Variants in UNC79 observed in about 807,000 individuals in gnomAD.
The protein encoded by UNC79 is unc-79 subunit of NALCN channel complex, also known as protein unc-79 homolog.
UNC79 carries 37 observed loss-of-function variants against 283.1 expected under a neutral mutation model. The ratio of observed to expected loss-of-function variants is 0.13; its 90% CI spans 0.10 to 0.17. The LOEUF is 0.17. Ranked by LOEUF, UNC79 falls within the 10% of genes least tolerant of loss-of-function variation. The pLI is 1.00. For synonymous variants in UNC79, 1,107 were observed against 1,200.2 expected, an observed-to-expected ratio of 0.92 and a Z score of 1.61; for missense variants, 2,272 against 3,211.1, an observed-to-expected ratio of 0.71 and a Z score of 7.07.
In UNC79 at chr14:93,404,513, T is replaced by TATATATATATATATATATATATATAA. The variant is rs1229909876; in HGVS notation, c.-350-63157_-350-63156insTATATATATATATATATATATATAAA. Among the ~76,000 whole-genome samples the TATATATATATATATATATATATATAA allele has an allele frequency of 2.5e-3, 279 of 113,034 alleles. 3 individuals carry two copies. Among genetic ancestry groups the TATATATATATATATATATATATATAA allele is most frequent in the African/African-American group, 3.0e-3 (89 of 29,674 alleles). The allele number at this position is 113,034 out of a possible 152,430, so 74.2% of individuals were successfully genotyped here. ...AAAAAAATATATATATATATATATA[T>TATATATATATATATATATATATATAA]AAATATATACATATTATATATTATT... On this transcript the variant is annotated intron_variant, in intron 1 of 49. Transcript: ENST00000256339.
chr14:93,702,495 C>G (rs1271417721), intron 47 of UNC79, among the ~76,000 whole-genome samples: 1 of 152,156 alleles, frequency 6.6e-6, no homozygotes, highest in Non-Finnish European at 1.5e-5. Context: ...TGTTAAAAGT[C>G]AAACAACAGC....
At chr14:93,589,392 G>A (rs981102127) in intron 22 of UNC79, among the ~76,000 whole-genome samples, 1 of 152,032 alleles carries the variant, frequency 6.6e-6, no homozygotes, top group African/African-American at 2.4e-5. Flanking sequence ...TGGGAGAAGA[G>A]TATGGAAAAG....
At chr14:93,426,892 T>A (rs1267303092), upstream of UNC79, among the ~76,000 whole-genome samples, 2 of 152,162 alleles carry the variant, frequency 1.3e-5, no homozygotes, top group Non-Finnish European at 2.9e-5. Context: ...GTGGGTCACA[T>A]TTCCTTGTTT....
intron 1 of UNC79, among the ~76,000 whole-genome samples, chr14:93,401,468 G>A (rs754713015): frequency 8.5e-5 from 13 of 152,184 alleles, no homozygotes; most frequent in Non-Finnish European, 1.3e-4. Context: ...GCAAATTTAT[G>A]AGTAGGGTTG....
chr14:93,357,756 G>GATGT (rs2054125508), intron 1 of UNC79, among the ~76,000 whole-genome samples: 4 of 83,288 alleles, frequency 4.8e-5, no homozygotes, highest in Non-Finnish European at 1.0e-4. Flanking sequence ...TGGATATATG[G>GATGT]ATATATATAT....
At chr14:93,673,041 T>C (rs1217741299) in intron 40 of UNC79, among the ~76,000 whole-genome samples, 1 of 152,220 alleles carries the variant, frequency 6.6e-6, no homozygotes, top group Non-Finnish European at 1.5e-5. Flanking sequence ...TCGACTGATT[T>C]AATTGCTGCA....
intron 38 of UNC79, among the ~76,000 whole-genome samples, chr14:93,657,941 CT>C (rs1456179733): frequency 1.3e-5 from 2 of 152,108 alleles, no homozygotes; most frequent in South Asian, 2.1e-4. Context: ...GTCTGTCTTC[CT>C]TTTTTTTCCC....
chr14:93,523,630 A>G (rs1474911903), intron 7 of UNC79, among the ~76,000 whole-genome samples: 4 of 152,282 alleles, frequency 2.6e-5, no homozygotes, highest in African/African-American at 9.6e-5. Flanking sequence ...ACTTTAATTT[A>G]TTCTTATATG....
chr14:93,381,315 C>T (rs1456926151), intron 1 of UNC79, among the ~76,000 whole-genome samples: 1 of 152,096 alleles, frequency 6.6e-6, no homozygotes, highest in Non-Finnish European at 1.5e-5. Context: ...GGTTGTGACT[C>T]CCCCCAGAAG....
chr14:93,629,234 C>G (rs2067828107), intron 30 of UNC79, among the ~76,000 whole-genome samples: 2 of 152,102 alleles, frequency 1.3e-5, no homozygotes, highest in Non-Finnish European at 2.9e-5. Context: ...AATAGGCATA[C>G]CCAAACTCTA....
chr14:93,676,481 G>C (rs2073352758), intron 41 of UNC79, among the ~76,000 whole-genome samples: 1 of 152,204 alleles, frequency 6.6e-6, no homozygotes, highest in Non-Finnish European at 1.5e-5. Context: ...GTGTCTGGAG[G>C]TCACTTGCTT....
intron 40 of UNC79, among the ~76,000 whole-genome samples, chr14:93,665,754 T>A (rs558843184): frequency 6.6e-6 from 1 of 152,018 alleles, no homozygotes; most frequent in African/African-American, 2.4e-5. Context: ...AAAAGAACTA[T>A]CTACTTGGAA....
At chr14:93,464,682 A>C (rs1204035107) in intron 1 of UNC79, 1 of 441,384 alleles carries the variant, frequency 2.3e-6, no homozygotes, top group African/African-American at 2.0e-5. Context: ...GAAGGAGCTT[A>C]CTAGAGAAAT....
intron 5 of UNC79, among the ~76,000 whole-genome samples, chr14:93,493,766 C>T (rs1189933902): frequency 2.7e-5 from 4 of 150,908 alleles, no homozygotes; most frequent in African/African-American, 9.8e-5. Context: ...CATAGTGGCT[C>T]CTGTCTCTAA....
intron 1 of UNC79, among the ~76,000 whole-genome samples, chr14:93,463,362 G>A (rs1024687841): frequency 2.6e-5 from 4 of 152,164 alleles, no homozygotes; most frequent in Admixed American, 1.3e-4. Context: ...GGAATAGAAA[G>A]TGACAGAGAG....
intron 1 of UNC79, among the ~76,000 whole-genome samples, chr14:93,364,622 A>T (rs2054292179): frequency 6.7e-6 from 1 of 150,336 alleles, no homozygotes; most frequent in South Asian, 2.1e-4. Flanking sequence ...TTGTTAAGGG[A>T]ACTATACTTA....
At chr14:93,683,845 CAA>C (rs559221988) in intron 42 of UNC79, among the ~76,000 whole-genome samples, 3 of 133,332 alleles carry the variant, frequency 2.3e-5, no homozygotes, top group Non-Finnish European at 3.3e-5. Context: ...TTTTCTGTCT[CAA>C]AAAAAAAAAA....
chr14:93,619,456 T>C (rs888552052), intron 29 of UNC79, among the ~76,000 whole-genome samples: 4 of 152,168 alleles, frequency 2.6e-5, no homozygotes, highest in African/African-American at 7.2e-5. Flanking sequence ...CACGTAACTA[T>C]TGGTTGGAAA....
rs1245392916 is a variant in UNC79, at chr14:93,516,455, G to A, written c.899-7523G>A. Among the ~76,000 whole-genome samples the A allele has an allele frequency of 4.1e-3, 495 of 121,138 alleles. 3 individuals are homozygous for A. Among genetic ancestry groups the A allele is most frequent in the African/African-American group, 0.014 (466 of 32,934 alleles). 79.5% of individuals were successfully genotyped at this position (121,138 alleles called of 152,430 possible). A position where few individuals can be genotyped will look rare whatever the true frequency, so the allele number is the denominator to read the frequency against. On this transcript the variant is annotated intron_variant, in intron 7 of 48. Coordinates refer to ENST00000555664, the Ensembl canonical transcript of UNC79. ...ATCTGCTTGGATATTTTTTTTGGGG[G>A]GGGGGGTGGGGGATGGAGTCTTACT...
Sources: gnomAD v4.1 joint callset for allele counts (sites outside exome capture counted in the v4.1 genomes callset) on GRCh38, gnomAD v4.1.1 for gene constraint, MANE v1.5 for transcripts, NCBI Gene and HGNC (gene_info 2026-07-23, HGNC 2026-07-21) for gene names.